SLCO3A1: variants seen among roughly 807,000 people sequenced by gnomAD.
The protein encoded by SLCO3A1 is PGE1 transporter.
SLCO3A1 carries 27 observed loss-of-function variants against 63.1 expected under a neutral mutation model. The observed-to-expected ratio is 0.43, with a 90% confidence interval of 0.32 to 0.59. The LOEUF (loss-of-function observed/expected upper bound fraction) is 0.59. Among genes scored for constraint, SLCO3A1 ranks in the 20% least tolerant of loss-of-function variants. SLCO3A1 has a pLI of 0.09. For synonymous variants in SLCO3A1, 473 were observed against 409.9 expected (o/e 1.15, Z -1.86); for missense variants, 773 against 945.8 (o/e 0.82, Z 2.40).
At position 91,916,118 on chromosome 15, in the gene SLCO3A1, C is replaced by T. The variant is rs553008795; in HGVS notation, c.306C>T (p.Arg102=). The change falls in exon 2 of 10, where the codon CGC becomes CGT. Residue 102 remains arginine (R), a synonymous_variant. Coordinates refer to ENST00000318445, the MANE Select transcript of SLCO3A1 (RefSeq NM_013272.4). The surrounding 1 kb of genome is among the most constrained non-coding windows in gnomAD (Gnocchi z 6.2). The part of the protein sequence containing the change: ...LILFVSYFGA[R]GHRPRLIGCG... ...TCTTCGTGAGCTACTTCGGGGCACG[C>T]GGGCACCGGCCGCGCCTGATCGGCT... The T allele has an allele frequency of 1.9e-5, 31 of 1,611,110 alleles. No homozygotes were observed. In the South Asian group the frequency reaches 2.7e-4, roughly 14 times the overall value.
chr15:91,962,638 G>A (rs916064892), intron 2 of SLCO3A1, among the ~76,000 whole-genome samples: 2 of 152,000 alleles, frequency 1.3e-5, no homozygotes. Context: ...GGAAATGGCT[G>A]TGGAAGGTCC....
At chr15:91,999,982 A>G (rs1400011474) in intron 2 of SLCO3A1, among the ~76,000 whole-genome samples, 1 of 152,228 alleles carries the variant, frequency 6.6e-6, no homozygotes, top group African/African-American at 2.4e-5. Context: ...AAGAGAGTAG[A>G]TTTAAAAAGT....
chr15:92,016,274 A>ATAGATAGAT (rs1567068178), intron 2 of SLCO3A1, among the ~76,000 whole-genome samples: 8 of 137,088 alleles, frequency 5.8e-5, no homozygotes, highest in African/African-American at 2.2e-4. Flanking sequence ...AGATAGATAG[A>ATAGATAGAT]TAGATAGATG....
chr15:92,049,048 C>T (rs1009413063), intron 2 of SLCO3A1, among the ~76,000 whole-genome samples: 3 of 152,198 alleles, frequency 2.0e-5, no homozygotes, highest in Non-Finnish European at 2.9e-5. Flanking sequence ...CAGGAAGTGC[C>T]AGGACCAAGA....
intron 3 of SLCO3A1, among the ~76,000 whole-genome samples, chr15:92,100,295 T>C (rs2047589760): frequency 1.3e-5 from 2 of 152,206 alleles, no homozygotes; most frequent in Admixed American, 1.3e-4. Flanking sequence ...TCTCATCATC[T>C]GGAATGACCA....
At chr15:91,956,540 C>T (rs555209542) in intron 2 of SLCO3A1, among the ~76,000 whole-genome samples, 7 of 152,182 alleles carry the variant, frequency 4.6e-5, no homozygotes, top group South Asian at 2.1e-4. Flanking sequence ...AAATGGCCTC[C>T]GGCATTGAGA....
chr15:91,903,376 A>G (rs746223673), intron 1 of SLCO3A1, among the ~76,000 whole-genome samples: 2 of 152,236 alleles, frequency 1.3e-5, no homozygotes, highest in African/African-American at 2.4e-5. Context: ...TGCATTTCCA[A>G]TCCAAGAAGT....
intron 1 of SLCO3A1, among the ~76,000 whole-genome samples, chr15:91,913,422 T>TC (rs1398231092): frequency 4.6e-5 from 7 of 152,142 alleles, no homozygotes; most frequent in African/African-American, 1.4e-4. Context: ...CCCAGGCCAC[T>TC]CCCCAGACCA....
chr15:92,172,085 T>A, exon 11 of SLCO3A1: 1 of 499,858 alleles, frequency 2.0e-6, no homozygotes, highest in East Asian at 3.2e-5. Flanking sequence ...AGAGTAGGCA[T>A]CTTTCCTGGG....
intron 2 of SLCO3A1, among the ~76,000 whole-genome samples, chr15:91,970,912 CA>C (rs943508269): frequency 5.7e-4 from 87 of 152,126 alleles, no homozygotes; most frequent in African/African-American, 2.0e-3. Context: ...TGCATGTGTG[CA>C]AATCCTTAAA....
chr15:91,924,325 A>AT (rs1200022299), intron 2 of SLCO3A1, among the ~76,000 whole-genome samples: 4 of 151,996 alleles, frequency 2.6e-5, no homozygotes, highest in Non-Finnish European at 5.9e-5. Context: ...GGAAATCCGT[A>AT]TTTTTCAAGA....
intron 7 of SLCO3A1, among the ~76,000 whole-genome samples, chr15:92,132,450 CA>C (rs1249446061): frequency 1.4e-5 from 2 of 140,284 alleles, no homozygotes; most frequent in East Asian, 1.9e-4. Context: ...GAAGGGTGAC[CA>C]AAAAAAAATT....
At chr15:92,104,754 T>C (rs1029792148) in intron 4 of SLCO3A1, among the ~76,000 whole-genome samples, 1 of 152,074 alleles carries the variant, frequency 6.6e-6, no homozygotes, top group African/African-American at 2.4e-5. Flanking sequence ...AAAAATAAAG[T>C]AGCTACCATT....
chr15:92,015,378 A>G (rs1597221903), intron 2 of SLCO3A1, among the ~76,000 whole-genome samples: 1 of 152,120 alleles, frequency 6.6e-6, no homozygotes, highest in East Asian at 1.9e-4. Flanking sequence ...AAGAAGAAGC[A>G]AGTACCTTCT....
intron 2 of SLCO3A1, among the ~76,000 whole-genome samples, chr15:92,009,645 A>T (rs11856080): frequency 0.14 from 21,418 of 152,150 alleles, 2,842 homozygotes; most frequent in African/African-American, 0.35. Context: ...GTTTCCTTCC[A>T]ACATTTTGAA....
At chr15:92,130,606 C>T (rs2047980740) in intron 7 of SLCO3A1, among the ~76,000 whole-genome samples, 1 of 152,136 alleles carries the variant, frequency 6.6e-6, no homozygotes, top group African/African-American at 2.4e-5. Context: ...AAAACAACCA[C>T]AACCATAAAA....
chr15:91,974,849 A>G (rs981359580), intron 2 of SLCO3A1, among the ~76,000 whole-genome samples: 3 of 152,128 alleles, frequency 2.0e-5, no homozygotes, highest in African/African-American at 4.8e-5. Flanking sequence ...ATCAAAATAG[A>G]CAAGACAGTT....
chr15:91,900,473 G>A lies in SLCO3A1; in HGVS notation c.181-15520G>A, dbSNP rs186052388. On this transcript the variant is annotated intron_variant, in intron 1 of 9. Coordinates refer to ENST00000318445, the MANE Select transcript of SLCO3A1 (RefSeq NM_013272.4). This position sits in a 1 kb window ranked among gnomAD's most constrained non-coding sequence, Gnocchi z 4.3. ...GCCTCCCCAGTAGCTGGGATTACAG[G>A]TGCATGCCACTGTGCCCGGCTAATT... is the stretch of plus-strand genomic sequence containing the variant. Among the ~76,000 whole-genome samples the A allele has an allele frequency of 6.6e-6, 1 of 152,332 alleles. No individual in the cohort carries two copies. The highest frequency in any genetic ancestry group is 1.5e-5 in the Non-Finnish European group (1 of 68,026).
intron 2 of SLCO3A1, among the ~76,000 whole-genome samples, chr15:92,056,811 G>C (rs1162296894): frequency 6.6e-6 from 1 of 152,166 alleles, no homozygotes; most frequent in Non-Finnish European, 1.5e-5. Flanking sequence ...TGGACTTCAG[G>C]ATCCTCAGGA....
Sources: allele counts gnomAD v4.1 joint callset (sites outside exome capture counted in the v4.1 genomes callset), GRCh38; gene constraint gnomAD v4.1.1; non-coding constraint Gnocchi (gnomAD v3.1); transcripts MANE v1.5; gene names NCBI Gene and HGNC (gene_info 2026-07-23, HGNC 2026-07-21).